Variants in CNTNAP2 observed in about 807,000 individuals in gnomAD.
CNTNAP2 encodes contactin-associated protein-like 2.
A neutral mutation model predicts 155.2 loss-of-function variants in CNTNAP2; 98 were observed. The ratio of observed to expected loss-of-function variants is 0.63; its 90% CI spans 0.54 to 0.75. CNTNAP2 has a LOEUF of 0.75. Among genes scored for constraint, CNTNAP2 ranks in the 30% least tolerant of loss-of-function variants. The pLI, the probability that CNTNAP2 is intolerant of heterozygous loss-of-function variation, is 0.00. For synonymous variants in CNTNAP2, 651 were observed against 631.2 expected (o/e 1.03, Z -0.47); for missense variants, 1,727 against 1,688.1 (o/e 1.02, Z -0.40).
At chr7:146,721,207 GTATATATTCTCTA>G (rs1196496886) in intron 1 of CNTNAP2, among the ~76,000 whole-genome samples, 9 of 123,048 alleles carry the variant, frequency 7.3e-5, no homozygotes, top group African/African-American at 2.5e-4. Context: ...TATATTCTCT[GTATATATTCTCTA>G]TATATATTCT....
chr7:147,334,104 T>G (rs2116847224), intron 9 of CNTNAP2, among the ~76,000 whole-genome samples: 1 of 152,288 alleles, frequency 6.6e-6, no homozygotes, highest in East Asian at 1.9e-4. Flanking sequence ...TTGACTGCCA[T>G]CCCAAAGGAA....
intron 13 of CNTNAP2, among the ~76,000 whole-genome samples, chr7:147,820,046 A>T (rs1798338116): frequency 6.6e-6 from 1 of 152,080 alleles, no homozygotes; most frequent in Non-Finnish European, 1.5e-5. Flanking sequence ...CATAAGGTAG[A>T]TATATGTTTA....
chr7:147,832,900 C>T (rs1334641637), intron 13 of CNTNAP2, among the ~76,000 whole-genome samples: 6 of 148,776 alleles, frequency 4.0e-5, no homozygotes, highest in Non-Finnish European at 5.9e-5. Context: ...TGTAATTAGG[C>T]TTAATAACTC....
chr7:147,613,142 A>G (rs1485613820), intron 12 of CNTNAP2, among the ~76,000 whole-genome samples: 3 of 152,184 alleles, frequency 2.0e-5, no homozygotes, highest in African/African-American at 4.8e-5. Context: ...CATATCCTCA[A>G]GAACTCTGGA....
At chr7:146,559,383 C>T (rs990539557) in intron 1 of CNTNAP2, among the ~76,000 whole-genome samples, 1 of 152,038 alleles carries the variant, frequency 6.6e-6, no homozygotes, top group African/African-American at 2.4e-5. Flanking sequence ...TCCTGGCTAA[C>T]GTGGTGAAAC....
intron 20 of CNTNAP2, among the ~76,000 whole-genome samples, chr7:148,246,038 G>A (rs1005369719): frequency 4.6e-5 from 7 of 152,176 alleles, no homozygotes; most frequent in Non-Finnish European, 8.8e-5. Flanking sequence ...AGAACTGGTC[G>A]TTAAATGGAA....
chr7:147,668,011 A>G (rs1230667050), intron 13 of CNTNAP2, among the ~76,000 whole-genome samples: 1 of 152,132 alleles, frequency 6.6e-6, no homozygotes, highest in African/African-American at 2.4e-5. Flanking sequence ...GGAAAAATCA[A>G]CAAGGTGGTG....
At chr7:147,512,736 GACA>G (rs1162271251) in intron 11 of CNTNAP2, among the ~76,000 whole-genome samples, 1 of 152,038 alleles carries the variant, frequency 6.6e-6, no homozygotes, top group Non-Finnish European at 1.5e-5. Context: ...GTGGCTTTTG[GACA>G]ACAATTCCAT....
At chr7:147,506,817 C>G (rs1798915052) in intron 11 of CNTNAP2, among the ~76,000 whole-genome samples, 1 of 152,072 alleles carries the variant, frequency 6.6e-6, no homozygotes, top group African/African-American at 2.4e-5. Context: ...TGATTTTCTG[C>G]TCTCTTTACG....
At chr7:148,371,940 C>G (rs1419005849) in intron 21 of CNTNAP2, among the ~76,000 whole-genome samples, 4 of 133,760 alleles carry the variant, frequency 3.0e-5, no homozygotes, top group African/African-American at 1.1e-4. Flanking sequence ...GTGGCTCATG[C>G]CTGTAATCCC....
chr7:147,065,683 T>C (rs1474782356), intron 4 of CNTNAP2, among the ~76,000 whole-genome samples: 1 of 152,276 alleles, frequency 6.6e-6, no homozygotes, highest in East Asian at 1.9e-4. Context: ...TTTTAGTATA[T>C]TCTTCAAGTC....
intron 1 of CNTNAP2, among the ~76,000 whole-genome samples, chr7:146,509,710 C>T (rs1015538355): frequency 4.6e-5 from 7 of 152,120 alleles, no homozygotes; most frequent in Admixed American, 2.0e-4. Context: ...CTGTGTACGT[C>T]GGCCTTCAGG....
At chr7:146,721,889 A>ATATTTTTTTTTTTTTT in intron 1 of CNTNAP2, among the ~76,000 whole-genome samples, 1 of 69,738 alleles carries the variant, frequency 1.4e-5, no homozygotes, top group African/African-American at 1.9e-4. Context: ...ATATATATAT[A>ATATTTTTTTTTTTTTT]TTTTTTTTTT....
At chr7:148,067,894 C>A (rs959612449) in intron 15 of CNTNAP2, among the ~76,000 whole-genome samples, 1 of 152,162 alleles carries the variant, frequency 6.6e-6, no homozygotes, top group Non-Finnish European at 1.5e-5. Context: ...ATTATGGCTG[C>A]TCTGCAGTGT....
intron 22 of CNTNAP2, among the ~76,000 whole-genome samples, chr7:148,405,393 C>A (rs1454397098): frequency 1.4e-5 from 2 of 147,968 alleles, no homozygotes; most frequent in African/African-American, 2.5e-5. Flanking sequence ...TTATCCGTAA[C>A]CTCAAGGGAA....
intron 1 of CNTNAP2, among the ~76,000 whole-genome samples, chr7:146,523,387 C>G (rs1797643361): frequency 6.6e-6 from 1 of 151,946 alleles, no homozygotes; most frequent in African/African-American, 2.4e-5. Context: ...TAATTTTTCT[C>G]CCTGGATCCA....
chr7:148,370,839 C>T (rs1798874086), intron 21 of CNTNAP2, among the ~76,000 whole-genome samples: 1 of 152,194 alleles, frequency 6.6e-6, no homozygotes, highest in Non-Finnish European at 1.5e-5. Context: ...TCAGCCTTCT[C>T]CCTGGTGCCG....
intron 9 of CNTNAP2, among the ~76,000 whole-genome samples, chr7:147,346,370 G>T (rs1795863190): frequency 1.3e-5 from 2 of 151,418 alleles, no homozygotes; most frequent in African/African-American, 2.4e-5. Flanking sequence ...TAGCCAGGAT[G>T]GTCTCGATCT....
intron 1 of CNTNAP2, among the ~76,000 whole-genome samples, chr7:146,588,187 A>C (rs1798725871): frequency 6.6e-6 from 1 of 152,056 alleles, no homozygotes; most frequent in South Asian, 2.1e-4. Context: ...TGTGGTTTGT[A>C]ATTTATTACA....
Sources: gnomAD v4.1 joint callset for allele counts (sites outside exome capture counted in the v4.1 genomes callset) on GRCh38, gnomAD v4.1.1 for gene constraint, MANE v1.5 for transcripts, NCBI Gene and HGNC (gene_info 2026-07-23, HGNC 2026-07-21) for gene names.